NRCAM: variants seen among roughly 807,000 people sequenced by gnomAD.
NRCAM encodes the protein NgCAM-related cell adhesion molecule.
Under a neutral mutation model 156.5 loss-of-function variants are expected in NRCAM, and 83 were observed. The observed-to-expected ratio is 0.53, with a 90% CI of 0.44 to 0.64. The LOEUF is 0.64. Among genes scored for constraint, NRCAM ranks in the 30% least tolerant of loss-of-function variants. The pLI is 0.00. For missense variants in NRCAM, 1,417 were observed against 1,597.3 expected (o/e 0.89, Z 1.92); for synonymous variants, 538 against 563.9 (o/e 0.95, Z 0.65).
intron 3 of NRCAM, among the ~76,000 whole-genome samples, chr7:108,306,730 C>A (rs1053067011): frequency 6.6e-6 from 1 of 152,126 alleles, no homozygotes; most frequent in African/African-American, 2.4e-5. Context: ...CAGAATACAG[C>A]AGGAGAAGTC....
At chr7:108,364,573 T>C (rs2099580228) in intron 2 of NRCAM, among the ~76,000 whole-genome samples, 1 of 152,182 alleles carries the variant, frequency 6.6e-6, no homozygotes, top group African/African-American at 2.4e-5. Context: ...ATAGTAGTAT[T>C]ATTTATCATA....
intron 12 of NRCAM, among the ~76,000 whole-genome samples, chr7:108,208,052 G>C (rs1241768717): frequency 6.6e-6 from 1 of 151,926 alleles, no homozygotes; most frequent in Non-Finnish European, 1.5e-5. Flanking sequence ...CCAACACTTT[G>C]GGAAGCCAAA....
chr7:108,173,707 T>A (rs532243682), intron 28 of NRCAM, among the ~76,000 whole-genome samples: 132 of 152,312 alleles, frequency 8.7e-4, no homozygotes, highest in Middle Eastern at 3.4e-3. Flanking sequence ...TTATCTAAGA[T>A]CCATCAGATT....
chr7:108,166,107 TA>T (rs144556312), intron 30 of NRCAM, among the ~76,000 whole-genome samples: 7,020 of 152,280 alleles, frequency 0.046, 221 homozygotes, highest in East Asian at 0.11. Context: ...TTTGGTGTGA[TA>T]AAAAATGTAG....
chr7:108,177,451 G>C (rs551602195), intron 26 of NRCAM, among the ~76,000 whole-genome samples: 3 of 151,908 alleles, frequency 2.0e-5, no homozygotes, highest in African/African-American at 7.3e-5. Context: ...GTGAAACCCC[G>C]TCTCTACTAA....
rs564455168 is a variant in NRCAM, at chr7:108,184,139, C to T, written c.2304+102G>A. 464 of 719,342 alleles carry T rather than the reference C, an allele frequency of 6.5e-4. 3 individuals carry two copies. In the African/African-American group the frequency reaches 7.7e-3, roughly 12 times the overall value. 44.6% of individuals were successfully genotyped at this position (719,342 alleles called of 1,614,324 possible). ...ATATATATATATATATTTTTTTTCC[C>T]CAGAAATAGGTGAAATGAGATTCTA... On this transcript the variant is annotated intron_variant, in intron 22 of 32. Transcript: ENST00000379028.
intron 4 of NRCAM, 66 bp downstream of exon 4, chr7:108,239,893 G>C (rs1283481428): frequency 1.0e-6 from 1 of 975,664 alleles, no homozygotes; most frequent in Non-Finnish European, 1.6e-6. Context: ...ACGCAGTTCA[G>C]AGTGATGATA....
At chr7:108,384,158 T>C (rs956053108) in intron 2 of NRCAM, among the ~76,000 whole-genome samples, 1 of 152,128 alleles carries the variant, frequency 6.6e-6, no homozygotes, top group South Asian at 2.1e-4. Flanking sequence ...GCTTAATACC[T>C]GGGTGATGAA....
At chr7:108,380,809 G>A (rs1253354512) in intron 2 of NRCAM, among the ~76,000 whole-genome samples, 1 of 152,092 alleles carries the variant, frequency 6.6e-6, no homozygotes, top group East Asian at 1.9e-4. Flanking sequence ...CTAGCAAATA[G>A]TAGTTCTAAG....
chr7:108,431,643 A>G (rs1825322070), intron 1 of NRCAM, among the ~76,000 whole-genome samples: 2 of 152,058 alleles, frequency 1.3e-5, no homozygotes, highest in African/African-American at 2.4e-5. Flanking sequence ...AAATTAGCCA[A>G]GCACGGTGAC....
At chr7:108,162,487 T>C (rs1207519497) in intron 30 of NRCAM, among the ~76,000 whole-genome samples, 2 of 152,238 alleles carry the variant, frequency 1.3e-5, no homozygotes, top group Admixed American at 6.5e-5. Context: ...ATAAATACAT[T>C]CAGCATTTAC....
At chr7:108,298,905 A>G (rs2098511733) in intron 3 of NRCAM, among the ~76,000 whole-genome samples, 2 of 150,858 alleles carry the variant, frequency 1.3e-5, no homozygotes, top group African/African-American at 4.9e-5. Flanking sequence ...CAGGAGTTCA[A>G]GACCAGCCTG....
At chr7:108,311,924 C>T (rs910434161) in intron 3 of NRCAM, among the ~76,000 whole-genome samples, 3 of 152,136 alleles carry the variant, frequency 2.0e-5, no homozygotes, top group African/African-American at 7.2e-5. Flanking sequence ...ATCGTGCTCT[C>T]ATAATTCCTT....
intron 3 of NRCAM, among the ~76,000 whole-genome samples, chr7:108,250,089 T>C (rs1319949247): frequency 6.6e-6 from 1 of 152,014 alleles, no homozygotes; most frequent in Non-Finnish European, 1.5e-5. Flanking sequence ...ATAAAGAAAA[T>C]GTAGTACTTA....
chr7:108,350,681 C>T (rs750559271), intron 2 of NRCAM, among the ~76,000 whole-genome samples: 1 of 143,888 alleles, frequency 6.9e-6, no homozygotes, highest in Non-Finnish European at 1.6e-5. Flanking sequence ...AAATTACTTG[C>T]ACTCAAATGC....
chr7:108,388,130 C>T (rs1271039931), intron 2 of NRCAM, among the ~76,000 whole-genome samples: 1 of 152,136 alleles, frequency 6.6e-6, no homozygotes, highest in Non-Finnish European at 1.5e-5. Context: ...TGAGGAATTG[C>T]CACACTGACT....
At chr7:108,335,677 T>C (rs958748705) in intron 2 of NRCAM, among the ~76,000 whole-genome samples, 8 of 152,148 alleles carry the variant, frequency 5.3e-5, no homozygotes, top group African/African-American at 1.7e-4. Flanking sequence ...ATGCTTTTTA[T>C]TGGATTTCAG....
intron 2 of NRCAM, among the ~76,000 whole-genome samples, chr7:108,314,698 A>G (rs1178091636): frequency 2.0e-5 from 3 of 152,198 alleles, no homozygotes; most frequent in Non-Finnish European, 4.4e-5. Flanking sequence ...TTCAGAGTAA[A>G]TTGCTATGGA....
At chr7:108,317,566 A>C (rs982419017) in intron 2 of NRCAM, among the ~76,000 whole-genome samples, 3 of 152,194 alleles carry the variant, frequency 2.0e-5, no homozygotes, top group Non-Finnish European at 4.4e-5. Flanking sequence ...TAAAACAAAT[A>C]CAGAAGGCTC....
Sources: allele counts gnomAD v4.1 joint callset (sites outside exome capture counted in the v4.1 genomes callset), GRCh38; gene constraint gnomAD v4.1.1; transcripts MANE v1.5; gene names NCBI Gene and HGNC (gene_info 2026-07-23, HGNC 2026-07-21).